Variants in SPTLC3 observed in about 807,000 individuals in gnomAD.
The protein encoded by SPTLC3 is serine palmitoyltransferase 3.
Under a neutral mutation model 59.3 loss-of-function variants are expected in SPTLC3, and 36 were observed. That is an observed-to-expected ratio of 0.61 (90% CI 0.47 to 0.80). The LOEUF (loss-of-function observed/expected upper bound fraction) is 0.80, where lower values mean the gene tolerates loss of function less well. Ranked by LOEUF, SPTLC3 falls within the 30% of genes least tolerant of loss-of-function variation. SPTLC3 has a pLI of 0.00. For missense variants in SPTLC3, 625 were observed against 685.1 expected (o/e 0.91, Z 0.98); for synonymous variants, 257 against 240.8 (o/e 1.07, Z -0.62).
At chr20:13,131,166 T>C (rs1299302515) in intron 9 of SPTLC3, among the ~76,000 whole-genome samples, 1 of 152,178 alleles carries the variant, frequency 6.6e-6, no homozygotes, top group Admixed American at 6.5e-5. Context: ...TTATTACTCA[T>C]GTTTAAATCT....
intron 2 of SPTLC3, among the ~76,000 whole-genome samples, chr20:13,068,903 T>G (rs944594456): frequency 6.6e-6 from 1 of 152,220 alleles, no homozygotes. Flanking sequence ...TCCCTGTATC[T>G]TGCCCTCAAA....
At chr20:13,103,275 C>G (rs1466954432) in intron 6 of SPTLC3, among the ~76,000 whole-genome samples, 1 of 152,214 alleles carries the variant, frequency 6.6e-6, no homozygotes, top group Non-Finnish European at 1.5e-5. Context: ...AAAAGGGGGA[C>G]AGTCCTCCCC....
intron 9 of SPTLC3, among the ~76,000 whole-genome samples, chr20:13,127,690 T>C (rs1018363358): frequency 2.0e-5 from 3 of 152,152 alleles, no homozygotes; most frequent in African/African-American, 7.2e-5. Context: ...CTGGGGCCCT[T>C]CTACTGAGCC....
intron 8 of SPTLC3, among the ~76,000 whole-genome samples, chr20:13,120,308 A>C (rs1813051296): frequency 1.3e-5 from 2 of 152,208 alleles, no homozygotes; most frequent in African/African-American, 4.8e-5. Flanking sequence ...GGATTATTGC[A>C]AAATAGCTAG....
chr20:13,067,762 T>C (rs1485690877), intron 2 of SPTLC3, among the ~76,000 whole-genome samples: 1 of 152,186 alleles, frequency 6.6e-6, no homozygotes, highest in African/African-American at 2.4e-5. Flanking sequence ...AAGGAAAATA[T>C]AAGCATATTT....
At chr20:13,039,161 T>A (rs547245129) in intron 1 of SPTLC3, among the ~76,000 whole-genome samples, 1 of 152,188 alleles carries the variant, frequency 6.6e-6, no homozygotes, top group East Asian at 1.9e-4. Flanking sequence ...ATTGTTCAAG[T>A]CTTCTATTTT....
chr20:13,108,816 C>T (rs1990059288), intron 6 of SPTLC3, among the ~76,000 whole-genome samples: 1 of 152,134 alleles, frequency 6.6e-6, no homozygotes, highest in Non-Finnish European at 1.5e-5. Flanking sequence ...TTTAGCTTTG[C>T]TAGATGTCAC....
intron 8 of SPTLC3, among the ~76,000 whole-genome samples, chr20:13,121,565 T>C (rs2037867402): frequency 6.6e-6 from 1 of 152,122 alleles, no homozygotes; most frequent in Non-Finnish European, 1.5e-5. Context: ...CGTGGAAACC[T>C]CGATACGAGG....
chr20:13,155,461 A>T (rs1056530872), intron 10 of SPTLC3, among the ~76,000 whole-genome samples: 1 of 152,180 alleles, frequency 6.6e-6, no homozygotes, highest in African/African-American at 2.4e-5. Context: ...CTGAGTTATA[A>T]GTTCCTAAAA....
At chr20:13,134,445 A>G (rs2038196962) in intron 9 of SPTLC3, among the ~76,000 whole-genome samples, 2 of 152,200 alleles carry the variant, frequency 1.3e-5, no homozygotes, top group Middle Eastern at 3.2e-3. Context: ...GCATGTCCCC[A>G]GTCATCATTT....
At chr20:13,047,920 T>C (rs986753681) in intron 1 of SPTLC3, among the ~76,000 whole-genome samples, 1 of 152,182 alleles carries the variant, frequency 6.6e-6, no homozygotes, top group African/African-American at 2.4e-5. Context: ...ACAGCTATTA[T>C]AATGCTTTGC....
At chr20:13,083,280 C>G (rs2073301) in intron 4 of SPTLC3, among the ~76,000 whole-genome samples, 43,649 of 151,962 alleles carry the variant, frequency 0.29, 6,439 homozygotes, top group East Asian at 0.33. Context: ...TGTGTATATT[C>G]CTCTGAACTA....
intron 7 of SPTLC3, among the ~76,000 whole-genome samples, chr20:13,112,652 C>T (rs1311867458): frequency 6.6e-6 from 1 of 152,184 alleles, no homozygotes; most frequent in Non-Finnish European, 1.5e-5. Context: ...TTTTCCTTCA[C>T]AAGAAAGTTC....
At chr20:13,032,305 T>C (rs1280139202) in intron 1 of SPTLC3, among the ~76,000 whole-genome samples, 1 of 152,170 alleles carries the variant, frequency 6.6e-6, no homozygotes, top group Non-Finnish European at 1.5e-5. Context: ...ACTTAGAACC[T>C]TCACCCTAGC....
At chr20:13,063,479 G>T (rs997248888) in intron 2 of SPTLC3, among the ~76,000 whole-genome samples, 25 of 151,858 alleles carry the variant, frequency 1.6e-4, no homozygotes, top group African/African-American at 5.8e-4. Flanking sequence ...TTGGGAAGGG[G>T]TGTTAGTCGT....
At chr20:13,087,746 C>T (rs1989050459) in intron 4 of SPTLC3, among the ~76,000 whole-genome samples, 1 of 152,182 alleles carries the variant, frequency 6.6e-6, no homozygotes, top group Non-Finnish European at 1.5e-5. Context: ...CACACAGTAT[C>T]TGCACCCCAA....
At chr20:13,058,473 C>T (rs1255294543) in intron 2 of SPTLC3, among the ~76,000 whole-genome samples, 2 of 152,150 alleles carry the variant, frequency 1.3e-5, no homozygotes, top group Non-Finnish European at 2.9e-5. Context: ...GCAGACTTGG[C>T]TACCCATTGG....
intron 1 of SPTLC3, among the ~76,000 whole-genome samples, chr20:13,046,610 C>T (rs558374470): frequency 9.4e-4 from 143 of 152,160 alleles, no homozygotes; most frequent in African/African-American, 2.9e-3. Context: ...CTTAACTGGG[C>T]CAGGAAGTCA....
intron 1 of SPTLC3, among the ~76,000 whole-genome samples, chr20:13,015,230 C>T (rs1985467671): frequency 6.6e-6 from 1 of 152,114 alleles, no homozygotes; most frequent in Non-Finnish European, 1.5e-5. Flanking sequence ...AATATTATTG[C>T]CATAATTTGT....
Sources: gnomAD v4.1 joint callset for allele counts (sites outside exome capture counted in the v4.1 genomes callset) on GRCh38, gnomAD v4.1.1 for gene constraint, MANE v1.5 for transcripts, NCBI Gene and HGNC (gene_info 2026-07-23, HGNC 2026-07-21) for gene names.